Variants in ANK3 observed in about 807,000 individuals in gnomAD.
ANK3 encodes the protein ankyrin 3, also known as ankyrin-3.
ANK3 carries 57 observed loss-of-function variants against 370.9 expected under a neutral mutation model. The observed-to-expected ratio is 0.15, with a 90% confidence interval of 0.12 to 0.19. The LOEUF is 0.19. Among genes scored for constraint, ANK3 ranks in the 10% least tolerant of loss-of-function variants. The probability of loss-of-function intolerance (pLI) is 1.00; values close to 1 mark genes in which losing one functional copy is unlikely to be tolerated. For synonymous variants in ANK3, 1,929 were observed against 1,946.3 expected (o/e 0.99, Z 0.23); for missense variants, 4,439 against 5,302.1 (o/e 0.84, Z 5.06).
chr10:60,180,097 T>TA (rs2096112592), intron 18 of ANK3, among the ~76,000 whole-genome samples: 1 of 152,190 alleles, frequency 6.6e-6, no homozygotes, highest in Non-Finnish European at 1.5e-5. Flanking sequence ...CCGATGAAAG[T>TA]ATTCAAGCAG....
At chr10:60,458,267 A>G (rs2064798870) in intron 2 of ANK3, among the ~76,000 whole-genome samples, 1 of 152,122 alleles carries the variant, frequency 6.6e-6, no homozygotes, top group Admixed American at 6.6e-5. Flanking sequence ...CTCCCACAGT[A>G]ATCTCATATT....
At chr10:60,641,729 T>C (rs1231059585) in intron 1 of ANK3, among the ~76,000 whole-genome samples, 1 of 152,128 alleles carries the variant, frequency 6.6e-6, no homozygotes, top group East Asian at 1.9e-4. Flanking sequence ...GGGCAAGGAC[T>C]TCATGTCTAA....
Position 60,596,975 on chromosome 10 carries a change from A to T in ANK3, c.96+18211T>A, listed in dbSNP as rs369263025. ...TCAGTAAATTATAGAAAGACTATTT[A>T]CATAAAAAATTGAATCCATACCGCA... On this transcript the variant is annotated intron_variant, in intron 2 of 43. Coordinates refer to the ANK3 transcript ENST00000373827. Among the ~76,000 whole-genome samples, 30 of 152,328 alleles carry T rather than the reference A, an allele frequency of 2.0e-4. No individual in the cohort carries two copies. In the South Asian group the frequency reaches 3.5e-3, roughly 18 times the overall value.
intron 2 of ANK3, among the ~76,000 whole-genome samples, chr10:60,535,679 C>T (rs545008802): frequency 9.2e-5 from 14 of 152,150 alleles, no homozygotes; most frequent in African/African-American, 3.1e-4. Context: ...GTTAATTCCC[C>T]TCACAGGGCA....
intron 4 of ANK3, among the ~76,000 whole-genome samples, chr10:60,271,446 A>G (rs568908616): frequency 2.0e-5 from 3 of 152,262 alleles, no homozygotes; most frequent in African/African-American, 7.2e-5. Flanking sequence ...AGCTCAAGCC[A>G]TCTGCCTGCC....
chr10:60,602,327 G>A (rs889760603), intron 2 of ANK3, among the ~76,000 whole-genome samples: 6 of 152,000 alleles, frequency 3.9e-5, no homozygotes, highest in African/African-American at 1.4e-4. Context: ...CAATATAATG[G>A]AAGGTTGGCA....
At chr10:60,570,455 G>A (rs1295022229) in intron 2 of ANK3, among the ~76,000 whole-genome samples, 3 of 152,140 alleles carry the variant, frequency 2.0e-5, no homozygotes, top group Non-Finnish European at 2.9e-5. Context: ...CCAGTGGGCT[G>A]GCACAGAAAT....
At chr10:60,572,609 G>A in intron 2 of ANK3, 2 of 1,514,106 alleles carry the variant, frequency 1.3e-6, no homozygotes, top group Non-Finnish European at 1.8e-6. Context: ...AAGAGTCAAA[G>A]CATTGAGACC....
intron 2 of ANK3, among the ~76,000 whole-genome samples, chr10:60,524,367 C>A (rs1295782005): frequency 6.6e-6 from 1 of 152,054 alleles, no homozygotes; most frequent in Non-Finnish European, 1.5e-5. Flanking sequence ...GTGTCCCCAC[C>A]CAAATCTCAC....
intron 2 of ANK3, among the ~76,000 whole-genome samples, chr10:60,536,616 G>A (rs1369281938): frequency 6.6e-6 from 1 of 151,818 alleles, no homozygotes; most frequent in African/African-American, 2.4e-5. Context: ...CTTTTTCAGG[G>A]ATCTTCTCAT....
At chr10:60,134,692 A>AT (rs1321840711) in intron 24 of ANK3, among the ~76,000 whole-genome samples, 1 of 152,146 alleles carries the variant, frequency 6.6e-6, no homozygotes, top group Non-Finnish European at 1.5e-5. Flanking sequence ...TAGTTGACAG[A>AT]TTTTTCTAGG....
At chr10:60,235,550 GTTTTTTTTTTTTTTT>G (rs72388493) in intron 7 of ANK3, among the ~76,000 whole-genome samples, 2 of 115,058 alleles carry the variant, frequency 1.7e-5, no homozygotes, top group East Asian at 2.6e-4. Context: ...CTGATTTCTT[GTTTTTTTTTTTTTTT>G]TTTTTTTTTT....
At chr10:60,125,618 C>A (rs539090968) in intron 25 of ANK3, among the ~76,000 whole-genome samples, 10 of 152,240 alleles carry the variant, frequency 6.6e-5, no homozygotes, top group Admixed American at 6.5e-4. Context: ...TTTCTGAGCA[C>A]CCCCCTTAGA....
At chr10:60,629,003 G>C (rs1268400677) in intron 1 of ANK3, among the ~76,000 whole-genome samples, 1 of 151,972 alleles carries the variant, frequency 6.6e-6, no homozygotes, top group Non-Finnish European at 1.5e-5. Flanking sequence ...TAGTTTCTCT[G>C]CTTTTTTGTT....
intron 1 of ANK3, among the ~76,000 whole-genome samples, chr10:60,632,769 A>T (rs1182558132): frequency 2.0e-5 from 3 of 152,056 alleles, no homozygotes; most frequent in Non-Finnish European, 4.4e-5. Context: ...TCATACCTAT[A>T]GTACAGGTCC....
chr10:60,668,377 G>A (rs1176616704), intron 1 of ANK3, among the ~76,000 whole-genome samples: 5 of 151,516 alleles, frequency 3.3e-5, no homozygotes, highest in African/African-American at 1.2e-4. Context: ...ACTGCAGTGT[G>A]GCACTGATTA....
intron 1 of ANK3, among the ~76,000 whole-genome samples, chr10:60,618,316 T>C (rs1034335133): frequency 6.6e-6 from 1 of 152,180 alleles, no homozygotes; most frequent in Non-Finnish European, 1.5e-5. Flanking sequence ...CTAATAAAAG[T>C]AAAGCAATAA....
intron 2 of ANK3, among the ~76,000 whole-genome samples, chr10:60,486,611 G>C (rs1349112447): frequency 6.6e-6 from 1 of 152,070 alleles, no homozygotes; most frequent in Non-Finnish European, 1.5e-5. Flanking sequence ...ATGGTTATTT[G>C]TAACAAAATT....
chr10:60,163,024 T>C (rs1283405129), intron 23 of ANK3, among the ~76,000 whole-genome samples: 1 of 152,138 alleles, frequency 6.6e-6, no homozygotes, highest in Non-Finnish European at 1.5e-5. Context: ...CAATGTAAAA[T>C]CCCTTGGGAG....
Sources: gnomAD v4.1 joint callset for allele counts (sites outside exome capture counted in the v4.1 genomes callset) on GRCh38, gnomAD v4.1.1 for gene constraint, MANE v1.5 for transcripts, NCBI Gene and HGNC (gene_info 2026-07-23, HGNC 2026-07-21) for gene names.